The following ERICH3 variants were observed in gnomAD, a reference collection of about 807,000 sequenced individuals.
The protein encoded by ERICH3 is glutamate rich 3, also known as glutamate-rich protein 3.
A neutral mutation model predicts 131.1 loss-of-function variants in ERICH3; 126 were observed. The observed-to-expected ratio is 0.96, with a 90% confidence interval of 0.83 to 1.11. The LOEUF (loss-of-function observed/expected upper bound fraction) is 1.11. Ranked by LOEUF, ERICH3 falls within the 50% of genes most tolerant of loss-of-function variation. ERICH3 has a pLI of 0.00. For missense variants in ERICH3, 2,050 were observed against 1,810.7 expected (o/e 1.13, Z -2.40); for synonymous variants, 695 against 644.6 (o/e 1.08, Z -1.18).
chr1:74,610,778 C>T (rs1308023741), intron 9 of ERICH3, among the ~76,000 whole-genome samples: 1 of 151,978 alleles, frequency 6.6e-6, no homozygotes, highest in Non-Finnish European at 1.5e-5. Flanking sequence ...TACACCCCAA[C>T]TGCTGCACTA....
chr1:74,582,419 C>T (rs975674948), intron 12 of ERICH3, among the ~76,000 whole-genome samples: 3 of 152,006 alleles, frequency 2.0e-5, no homozygotes, highest in Non-Finnish European at 4.4e-5. Flanking sequence ...CTTTGTAAAA[C>T]ATTTAAACTG....
chr1:74,616,025 G>A (rs1237618402), intron 8 of ERICH3, among the ~76,000 whole-genome samples: 1 of 151,974 alleles, frequency 6.6e-6, no homozygotes, highest in East Asian at 1.9e-4. Flanking sequence ...TTTTTGAGAA[G>A]GATTCTTGTT....
At position 74,571,803 on chromosome 1, in the gene ERICH3, T is replaced by C. The variant is rs765680308; in HGVS notation, c.3907A>G (p.Thr1303Ala). ...DPEEEEDKEC[T>A]LETEAMQDRN... ...TCCTGCATCGCTTCTGTCTCCAGAG[T>C]GCACTCTTTGTCCTCTTCCTCCTCT... The change falls in exon 14 of 15, where the codon ACT (threonine) becomes GCT (alanine). Residue 1303 changes from threonine to alanine, a missense_variant. By Grantham distance (58) the Thr-to-Ala change is moderately conservative. Coordinates refer to ENST00000326665, the MANE Select transcript of ERICH3 (RefSeq NM_001002912.5). The C allele has an allele frequency of 1.9e-6, 3 of 1,613,672 alleles. No homozygotes were observed. The highest frequency in any genetic ancestry group is 2.5e-6 in the Non-Finnish European group (3 of 1,180,014).
chr1:74,606,985 T>A, intron 9 of ERICH3, 83 bp from the exon 10 acceptor site: 6 of 1,268,472 alleles, frequency 4.7e-6, no homozygotes, highest in Non-Finnish European at 6.5e-6. Context: ...AGCACTTATC[T>A]CTTATTCCAG....
At chr1:74,661,398 C>T (rs1016957287) in intron 1 of ERICH3, among the ~76,000 whole-genome samples, 1 of 152,046 alleles carries the variant, frequency 6.6e-6, no homozygotes, top group South Asian at 2.1e-4. Context: ...TTCAAATTCT[C>T]AGTTGTTCAG....
chr1:74,614,363 T>C (rs1648846214), intron 8 of ERICH3, among the ~76,000 whole-genome samples: 1 of 124,616 alleles, frequency 8.0e-6, no homozygotes, highest in Admixed American at 8.6e-5. Flanking sequence ...CCACATTTTT[T>C]CCCTAAAAAA....
At chr1:74,605,658 G>A (rs1018264496) in intron 10 of ERICH3, among the ~76,000 whole-genome samples, 1 of 151,618 alleles carries the variant, frequency 6.6e-6, no homozygotes, top group East Asian at 1.9e-4. Context: ...GAGAACAGCT[G>A]GTCAGTGGAG....
At position 74,572,081 on chromosome 1, in the gene ERICH3, T is replaced by A; in HGVS notation, c.3629A>T (p.Gln1210Leu). ...AGCTGCTAAGGCCCCCTCTCCATCT[T>A]GGCGGTGCCCTTCCTTCAGGGCCCT... ...ENRALKEGHR[Q>L]DGEGALAAPE... is the part of the protein sequence containing the mutation. Residue 1210 changes from glutamine to leucine, a missense_variant, in exon 14 of 15, where the codon CAA becomes CTA. Transcript: ENST00000326665. 1.2e-6 allele frequency: 2 copies of A among 1,614,218 alleles called. No homozygotes were observed. Among genetic ancestry groups the A allele is most frequent in the South Asian group, 1.1e-5 (1 of 91,082 alleles).
At position 74,569,016 on chromosome 1, in the gene ERICH3, T is replaced by G. The variant is rs1646905040; in HGVS notation, c.*1442A>C. ...CCAGTCTACTATCTGGTCCAGTGTA[T>G]TTTTGATCATTGAATGGCTCCATTA... On this transcript the variant is annotated 3_prime_UTR_variant, in exon 15 of 15. Coordinates refer to ENST00000326665, the MANE Select transcript of ERICH3 (RefSeq NM_001002912.5). 6.6e-6 allele frequency: 1 copy of G among 152,162 alleles called. No homozygotes were observed. The highest frequency in any genetic ancestry group is 2.4e-5 in the African/African-American group (1 of 41,448). 9.4% of individuals were successfully genotyped at this position (152,162 alleles called of 1,614,324 possible).
intron 2 of ERICH3, among the ~76,000 whole-genome samples, chr1:74,648,242 T>C (rs982313086): frequency 3.3e-5 from 5 of 152,172 alleles, no homozygotes; most frequent in African/African-American, 1.2e-4. Context: ...TTCCCATTTG[T>C]AGGCAAAGTT....
chr1:74,571,814 T>A lies in ERICH3; in HGVS notation c.3896A>T (p.Asp1299Val), dbSNP rs758675664. 1.2e-6 allele frequency: 2 copies of A among 1,613,346 alleles called. No homozygotes were observed. Among genetic ancestry groups the A allele is most frequent in the Non-Finnish European group, 1.7e-6 (2 of 1,180,030 alleles). Residue 1299 changes from aspartate (D) to valine (V), a missense_variant, in exon 14 of 15, where the codon GAC becomes GTC. By Grantham distance (152) the Asp-to-Val change is radical (BLOSUM62 -3). Transcript: ENST00000326665. ...AVDEDPEEEEDKECTLETEAM... is the reference protein window; with the variant it reads ...AVDEDPEEEEVKECTLETEAM... Reference sequence around the variant, plus strand: ...TTCTGTCTCCAGAGTGCACTCTTTGTCCTCTTCCTCCTCTGGGTCCTCATC... The same window carrying A: ...TTCTGTCTCCAGAGTGCACTCTTTGACCTCTTCCTCCTCTGGGTCCTCATC...
intron 7 of ERICH3, chr1:74,621,889 G>T (rs1290862827): frequency 6.6e-6 from 1 of 152,038 alleles, no homozygotes; most frequent in African/African-American, 2.4e-5. Context: ...GAAAATTGTA[G>T]GCCTCTAGAA....
intron 12 of ERICH3, among the ~76,000 whole-genome samples, chr1:74,586,100 C>T (rs184663632): frequency 4.1e-4 from 62 of 151,862 alleles, no homozygotes; most frequent in African/African-American, 1.4e-3. Context: ...GGAAGATGAA[C>T]AATAGAACAA....
At chr1:74,643,321 C>G (rs1206565248) in intron 3 of ERICH3, among the ~76,000 whole-genome samples, 2 of 152,060 alleles carry the variant, frequency 1.3e-5, no homozygotes, top group African/African-American at 4.8e-5. Context: ...GTGTTCATAA[C>G]CTTTAACCCT....
At chr1:74,587,141 C>T (rs377656745) in intron 12 of ERICH3, among the ~76,000 whole-genome samples, 1 of 151,646 alleles carries the variant, frequency 6.6e-6, no homozygotes, top group Non-Finnish European at 1.5e-5. Flanking sequence ...CTGGCTAACA[C>T]GGTGAAACCC....
At chr1:74,650,834 CTG>C (rs5775252) in intron 1 of ERICH3, among the ~76,000 whole-genome samples, 30,176 of 145,790 alleles carry the variant, frequency 0.21, 3,755 homozygotes, top group African/African-American at 0.36. Context: ...GAGGGGACTA[CTG>C]TGTGTGTGTG....
chr1:74,598,434 T>A (rs1179340016), intron 11 of ERICH3, among the ~76,000 whole-genome samples: 1 of 151,786 alleles, frequency 6.6e-6, no homozygotes, highest in Non-Finnish European at 1.5e-5. Context: ...AAGAAACTGT[T>A]AAGCAATAAC....
chr1:74,631,352 T>C lies in ERICH3; in HGVS notation c.819+361A>G, dbSNP rs1171027785. ...GTTCAAAATAAACTATATTGTGTTT[T>C]TTAGGTATATCAAGGTTTCTGAATT... On this transcript the variant is annotated intron_variant, in intron 7 of 14. Coordinates refer to ENST00000326665, the MANE Select transcript of ERICH3 (RefSeq NM_001002912.5). 3.5e-4 allele frequency among the ~76,000 whole-genome samples: 53 copies of C among 152,104 alleles called. 1 individual carries two copies. The highest frequency in any genetic ancestry group is 3.5e-3 in the Admixed American group (53 of 15,262).
At position 74,571,599 on chromosome 1, in the gene ERICH3, T is replaced by C. The variant is rs573891416; in HGVS notation, c.4111A>G (p.Ile1371Val). 6.2e-7 allele frequency: 1 copy of C among 1,614,148 alleles called. No individual in the cohort carries two copies. The highest frequency in any genetic ancestry group is 2.2e-5 in the East Asian group (1 of 44,876). ...AGSETAEEKT[I>V]ANKASSFSDV... Reference sequence around the variant, plus strand: ...GAAAAGGAGGAGGCTTTATTTGCTATTGTTTTCTCCTCGGCTGTCTCCGAA... The same window carrying C: ...GAAAAGGAGGAGGCTTTATTTGCTACTGTTTTCTCCTCGGCTGTCTCCGAA... The change falls in exon 14 of 15, where the codon ATA becomes GTA. Residue 1371 changes from isoleucine (I) to valine (V), a missense_variant. Transcript: ENST00000326665.
Sources: gnomAD v4.1 joint callset for allele counts (sites outside exome capture counted in the v4.1 genomes callset) on GRCh38, gnomAD v4.1.1 for gene constraint, MANE v1.5 for transcripts, NCBI Gene and HGNC (gene_info 2026-07-23, HGNC 2026-07-21) for gene names.